The following TTN variants were observed in gnomAD, a reference collection of about 807,000 sequenced individuals.
TTN encodes titin.
TTN carries 1,525 observed loss-of-function variants against 3,223.0 expected under a neutral mutation model. That is an observed-to-expected ratio of 0.47 (90% CI 0.45 to 0.49). The LOEUF is 0.49. TTN is among the 20% of genes least tolerant of loss of function. The probability of loss-of-function intolerance (pLI) is 0.00; values close to 1 mark genes in which losing one functional copy is unlikely to be tolerated. For synonymous variants in TTN, 14,094 were observed against 15,161.0 expected, an observed-to-expected ratio of 0.93 and a Z score of 5.17; for missense variants, 40,786 against 43,424.0, an observed-to-expected ratio of 0.94 and a Z score of 5.40.
At chr2:178,743,684 T>C (rs915525188) in intron 47 of TTN, among the ~76,000 whole-genome samples, 2 of 152,008 alleles carry the variant, frequency 1.3e-5, no homozygotes, top group South Asian at 2.1e-4. Flanking sequence ...GAGTAAAGCA[T>C]GCTTGTCATG....
intron 331 of TTN, 26 bp from the exon 332 acceptor site, chr2:178,554,778 T>C (rs1700710191): frequency 1.2e-6 from 2 of 1,612,328 alleles, no homozygotes; most frequent in Admixed American, 1.7e-5. Context: ...CAAAACACGA[T>C]GTTAGTACTT....
intron 222 of TTN, 33 bp downstream of exon 222, chr2:178,640,013 AAT>A: frequency 1.2e-6 from 2 of 1,606,820 alleles, no homozygotes; most frequent in Non-Finnish European, 1.7e-6. Context: ...ATACAGAAAG[AAT>A]ATGCTGTTGA....
chr2:178,776,311 T>C lies in TTN; in HGVS notation c.5553A>G (p.Arg1851=). Residue 1851 remains arginine (R), a synonymous_variant, in exon 28 of 363, where the codon AGA becomes AGG. Coordinates refer to ENST00000589042, the MANE Select transcript of TTN (RefSeq NM_001267550.2). ...PDIVLYPEPV[R]VLEGETARFR... ...ACCTTGCAGTCTCCCCTTCAAGTAC[T>C]CTAACTGGCTCTGGGTACAAGACAA... The C allele has an allele frequency of 6.2e-7, 1 of 1,614,080 alleles. No homozygotes were observed. The highest frequency in any genetic ancestry group is 8.5e-7 in the Non-Finnish European group (1 of 1,179,992).
At chr2:178,580,808 G>A in intron 316 of TTN, 199 bp from the exon 317 acceptor site, 1 of 588,150 alleles carries the variant, frequency 1.7e-6, no homozygotes, top group Non-Finnish European at 2.8e-6. Flanking sequence ...CTATGCTTTA[G>A]GCTTAACCAG....
In TTN at chr2:178,604,193, C is replaced by G; in HGVS notation, c.54494G>C (p.Arg18165Pro). ...TGGTTTTCCTGGAGGTCCAGGAAGG[C>G]GATAAGGATCTTGAATGACTACTTT... is the stretch of plus-strand genomic sequence containing the variant. ...SDKVVIQDPY[R>P]LPGPPGKPKV... The change falls in exon 282 of 363, where the codon CGC becomes CCC. Residue 18165 changes from arginine to proline, a missense_variant. Coordinates refer to ENST00000589042, the MANE Select transcript of TTN (RefSeq NM_001267550.2). The G allele has an allele frequency of 6.2e-7, 1 of 1,611,718 alleles. No individual in the cohort carries two copies. Among genetic ancestry groups the G allele is most frequent in the Non-Finnish European group, 8.5e-7 (1 of 1,178,738 alleles).
Position 178,577,915 on chromosome 2 carries a change from A to G in TTN, c.68528-17T>C. On this transcript the variant is annotated splice_polypyrimidine_tract_variant and intron_variant, in intron 322 of 362. Coordinates refer to ENST00000589042, the MANE Select transcript of TTN (RefSeq NM_001267550.2). ...CAGGAGGATCTAAAACATAAAAGCA[A>G]AACCAGTCAAACAAATACCAGTTTT... 1 of 1,584,710 alleles carries G rather than the reference A, an allele frequency of 6.3e-7. No individual in the cohort carries two copies. Among genetic ancestry groups the G allele is most frequent in the East Asian group, 2.3e-5 (1 of 44,386 alleles).
In TTN at chr2:178,563,942, T is replaced by A. The variant is rs1230727377; in HGVS notation, c.82190A>T (p.Asp27397Val). The A allele has an allele frequency of 1.2e-6, 2 of 1,613,728 alleles. No individual in the cohort carries two copies. Among genetic ancestry groups the A allele is most frequent in the Non-Finnish European group, 1.7e-6 (2 of 1,179,726 alleles). Reference sequence around the variant, plus strand: ...GTAATGTGAAATATTAGCACCACCATCTTGCAAAGGTGGGTTCCATGCCAG... The same window carrying A: ...GTAATGTGAAATATTAGCACCACCAACTTGCAAAGGTGGGTTCCATGCCAG... ...CYLAWNPPLQDGGANISHYII... is the reference protein window; with the variant it reads ...CYLAWNPPLQVGGANISHYII... Residue 27397 changes from aspartate to valine, a missense_variant, in exon 326 of 363, where the codon GAT (aspartate) becomes GTT (valine). Coordinates refer to ENST00000589042, the MANE Select transcript of TTN (RefSeq NM_001267550.2). This position sits in a 1 kb window ranked among gnomAD's most constrained non-coding sequence, Gnocchi z 4.5.
intron 88 of TTN, among the ~76,000 whole-genome samples, chr2:178,716,219 A>G (rs1220044914): frequency 6.6e-6 from 1 of 152,276 alleles, no homozygotes; most frequent in East Asian, 1.9e-4. Flanking sequence ...CGGAATGGCA[A>G]AGTGGGTCAG....
Position 178,595,503 on chromosome 2 carries a change from T to G in TTN, c.57847+4A>C. 6.5e-7 allele frequency: 1 copy of G among 1,545,490 alleles called. No individual in the cohort carries two copies. Among genetic ancestry groups the G allele is most frequent in the Non-Finnish European group, 8.7e-7 (1 of 1,145,466 alleles). On this transcript the variant is annotated splice_donor_region_variant and intron_variant, in intron 295 of 362. Transcript: ENST00000589042. ...TAAGTATACATTTTTTTTTTTTTAC[T>G]TACTTATTGGCTCTCTGATAACAAG...
intron 336 of TTN, chr2:178,550,622 T>C (rs1699038534): frequency 2.5e-6 from 1 of 406,438 alleles, no homozygotes; most frequent in Non-Finnish European, 4.4e-6. Flanking sequence ...GGGATGATTG[T>C]GTTGTTGGAT....
In TTN at chr2:178,665,394, T is replaced by C. The variant is rs753621480; in HGVS notation, c.36026A>G (p.Glu12009Gly). 1 of 1,612,482 alleles carries C rather than the reference T, an allele frequency of 6.2e-7. No individual in the cohort carries two copies. The highest frequency in any genetic ancestry group is 2.2e-5 in the East Asian group (1 of 44,850). ...TAACGTACTTTTCATACGTGGAGTT[T>C]CTGGCTCTTCAGGTACATCCTCAAA... Reference protein sequence around the residue: ...KIFEDVPEEPETPRMKTPEAP... With the variant: ...KIFEDVPEEPGTPRMKTPEAP... The change falls in exon 165 of 363, where the codon GAA becomes GGA. Residue 12009 changes from glutamate to glycine, a missense_variant. By Grantham distance (98) the Glu-to-Gly change is moderately conservative. Transcript: ENST00000589042.
intron 96 of TTN, 50 bp from the exon 97 acceptor site, chr2:178,711,399 T>G (rs769554773): frequency 1.3e-6 from 2 of 1,503,804 alleles, no homozygotes; most frequent in Non-Finnish European, 1.8e-6. Flanking sequence ...CTAAATGCTC[T>G]TCTCACAATT....
Position 178,591,480 on chromosome 2 carries a change from A to T in TTN, c.60245T>A (p.Val20082Glu). 6.3e-7 allele frequency: 1 copy of T among 1,585,750 alleles called. No individual in the cohort carries two copies. The highest frequency in any genetic ancestry group is 8.5e-7 in the Non-Finnish European group (1 of 1,170,714). Residue 20082 changes from valine to glutamate, a missense_variant, in exon 304 of 363, where the codon GTG becomes GAG. By Grantham distance (121) the Val-to-Glu change is moderately radical (BLOSUM62 -2). Transcript: ENST00000589042. ...TACCACAAGACCTTCAATTAATTTCACATCTAGCTCCACGGATGGAGGCAC... is the reference window on the plus strand; with the variant it reads ...TACCACAAGACCTTCAATTAATTTCTCATCTAGCTCCACGGATGGAGGCAC... ...KLVPPSVELD[V>E]KLIEGLVVKA...
rs1182837091 is a variant in TTN, at chr2:178,735,953, A to G, written c.14493T>C (p.Asp4831=). The change falls in exon 50 of 363, where the codon GAT becomes GAC. Residue 4831 remains aspartate (D), a synonymous_variant. Transcript: ENST00000589042. The stretch of plus-strand genomic sequence containing the variant: ...TAGGTGAAGGTGAGAGTGCAGCACC[A>G]TCTTTCTGCCAAATGGTTTCTATCA... ...TPVIETIWQK[D]GAALSPSPNW... 6.2e-7 allele frequency: 1 copy of G among 1,613,874 alleles called. No homozygotes were observed. The highest frequency in any genetic ancestry group is 1.7e-5 in the Admixed American group (1 of 60,006).
chr2:178,773,431 G>A, intron 32 of TTN, 31 bp downstream of exon 32: 1 of 1,613,948 alleles, frequency 6.2e-7, no homozygotes, highest in Non-Finnish European at 8.5e-7. Context: ...AATGCTTAAA[G>A]TAATTATTAG....
In TTN at chr2:178,710,730, A is replaced by G. The variant is rs1185144865; in HGVS notation, c.28367T>C (p.Val9456Ala). Residue 9456 changes from valine (V) to alanine (A), a missense_variant, in exon 98 of 363, where the codon GTC becomes GCC. Physicochemically the swap from Val to Ala is moderately conservative, Grantham distance 64 (BLOSUM62 0). Coordinates refer to ENST00000589042, the MANE Select transcript of TTN (RefSeq NM_001267550.2). ...SYLENSAHLT[V>A]LKVDKGDSGQ... The stretch of plus-strand genomic sequence containing the variant: ...AGAATCTCCTTTGTCTACTTTGAGG[A>G]CTGTCAGGTGGGCGCTGTTTTCCAG... The G allele has an allele frequency of 6.2e-7, 1 of 1,613,766 alleles. No homozygotes were observed. Among genetic ancestry groups the G allele is most frequent in the East Asian group, 2.2e-5 (1 of 44,856 alleles).
At position 178,614,226 on chromosome 2, in the gene TTN, G is replaced by A. The variant is rs570046043; in HGVS notation, c.49171C>T (p.Arg16391Ter). Reference sequence around the variant, plus strand: ...TGCCACACTTCACTATCAGTTGCTCGTCTCTCCACAACATAGTTTGTGATC... The same window carrying A: ...TGCCACACTTCACTATCAGTTGCTCATCTCTCCACAACATAGTTTGTGATC... ...SKITNYVVER[R>*]ATDSEVWHKL... Residue 16391 changes from arginine to a stop codon, truncating the protein, a stop_gained, in exon 262 of 363, where the codon CGA becomes TGA. Transcript: ENST00000589042. LOFTEE classifies it high-confidence loss of function. The A allele has an allele frequency of 2.5e-6, 4 of 1,612,508 alleles. No homozygotes were observed. Among genetic ancestry groups the A allele is most frequent in the East Asian group, 2.2e-5 (1 of 44,544 alleles).
rs763999133 is a variant in TTN, at chr2:178,590,330, C to A, written c.61395G>T (p.Val20465=). The A allele has an allele frequency of 5.7e-6, 9 of 1,570,580 alleles. No individual in the cohort carries two copies. In the East Asian group the frequency reaches 2.0e-4, roughly 35 times the overall value. ...GAGGATGAAGGATATCTTTTGCAAT[C>A]ACAGATTCTGCTAGTTCTCTTGGCT... The part of the protein sequence containing the change: ...EGEPRELAES[V]IAKDILHPPE... The change falls in exon 304 of 363, where the codon GTG becomes GTT. Residue 20465 remains valine (V), a synonymous_variant. Transcript: ENST00000589042.
chr2:178,622,691 T>A lies in TTN; in HGVS notation c.44892A>T (p.Glu14964Asp). ...REKEMARFEC[E>D]LSRENAKVKW... ...AGACCTTAGCATTTTCTCGGGAAAG[T>A]TCACACTCAAATCGAGCCATTTCTT... The change falls in exon 243 of 363, where the codon GAA (glutamate) becomes GAT (aspartate). Residue 14964 changes from glutamate to aspartate, a missense_variant. Coordinates refer to ENST00000589042, the MANE Select transcript of TTN (RefSeq NM_001267550.2). 1 of 1,606,986 alleles carries A rather than the reference T, an allele frequency of 6.2e-7. No individual in the cohort carries two copies. Among genetic ancestry groups the A allele is most frequent in the Non-Finnish European group, 8.5e-7 (1 of 1,176,632 alleles).
Sources: allele counts gnomAD v4.1 joint callset (sites outside exome capture counted in the v4.1 genomes callset), GRCh38; gene constraint gnomAD v4.1.1; non-coding constraint Gnocchi (gnomAD v3.1); transcripts MANE v1.5; gene names NCBI Gene and HGNC (gene_info 2026-07-23, HGNC 2026-07-21).